The following ERG variants were observed in gnomAD, a reference collection of about 807,000 sequenced individuals.
ERG encodes ETS transcription factor ERG.
Under a neutral mutation model 55.3 loss-of-function variants are expected in ERG, and 9 were observed. The observed-to-expected ratio is 0.16, with a 90% CI of 0.10 to 0.28. ERG has a LOEUF of 0.28. Ranked by LOEUF, ERG falls within the 10% of genes least tolerant of loss-of-function variation. The pLI is 1.00. For synonymous variants in ERG, 223 were observed against 237.3 expected, an observed-to-expected ratio of 0.94 and a Z score of 0.55; for missense variants, 434 against 631.6, an observed-to-expected ratio of 0.69 and a Z score of 3.35.
At chr21:38,556,358 T>C (rs994910168) in intron 2 of ERG, among the ~76,000 whole-genome samples, 1 of 152,186 alleles carries the variant, frequency 6.6e-6, no homozygotes, top group Non-Finnish European at 1.5e-5. Flanking sequence ...TAGATTGTTG[T>C]TCACAGTGAC....
intron 1 of ERG, among the ~76,000 whole-genome samples, chr21:38,461,011 G>T (rs2059037153): frequency 6.6e-6 from 1 of 152,186 alleles, no homozygotes; most frequent in Non-Finnish European, 1.5e-5. Flanking sequence ...TTTTCCTCAA[G>T]GAAGCAGCAT....
At chr21:38,368,981 G>A in the ERG span, among the ~76,000 whole-genome samples, 1 of 152,160 alleles carries the variant, frequency 6.6e-6, no homozygotes, top group African/African-American at 2.4e-5. Context: ...ATTTCTTGGT[G>A]TACATGTACC....
chr21:38,649,127 A>G (rs1316854502), intron 1 of ERG, among the ~76,000 whole-genome samples: 1 of 152,230 alleles, frequency 6.6e-6, no homozygotes, highest in African/African-American at 2.4e-5. Context: ...AAGTTTAACT[A>G]AACACAACAG....
At chr21:38,568,600 C>T (rs1201309074) in intron 2 of ERG, among the ~76,000 whole-genome samples, 1 of 152,188 alleles carries the variant, frequency 6.6e-6, no homozygotes, top group Non-Finnish European at 1.5e-5. Context: ...GGTTTTTAGT[C>T]CTTCCCCACA....
chr21:38,609,626 A>ATGT (rs1216708431), intron 1 of ERG, among the ~76,000 whole-genome samples: 1 of 152,370 alleles, frequency 6.6e-6, no homozygotes, highest in South Asian at 2.1e-4. Flanking sequence ...GCAAAAGGAT[A>ATGT]TGTATAGAAT....
upstream of ERG, among the ~76,000 whole-genome samples, chr21:38,499,878 GAAAGAAAGAAGGAAAAGA>G (rs568818440): frequency 2.2e-4 from 30 of 139,084 alleles, no homozygotes; most frequent in African/African-American, 5.9e-4. Flanking sequence ...GGGAGGGAGG[GAAAGAAAGAAGGAAAAGA>G]AAAGAAAGAG....
chr21:38,464,980 T>C (rs1266106599), intron 1 of ERG, among the ~76,000 whole-genome samples: 1 of 152,140 alleles, frequency 6.6e-6, no homozygotes, highest in Non-Finnish European at 1.5e-5. Context: ...AGCATTTGAG[T>C]TGGTTCTGGG....
chr21:38,408,973 C>G (rs531544850), intron 3 of ERG, among the ~76,000 whole-genome samples: 1 of 152,168 alleles, frequency 6.6e-6, no homozygotes, highest in Non-Finnish European at 1.5e-5. Context: ...TCATTTTTCT[C>G]TTCTGTAAAA....
chr21:38,502,199 C>T (rs771894810), upstream of ERG, among the ~76,000 whole-genome samples: 3 of 152,204 alleles, frequency 2.0e-5, no homozygotes, highest in South Asian at 2.1e-4. Flanking sequence ...TACAATGGAA[C>T]GCCCTTCCTC....
chr21:38,493,308 AT>A (rs1568851584), intron 1 of ERG, among the ~76,000 whole-genome samples: 1 of 152,176 alleles, frequency 6.6e-6, no homozygotes, highest in Non-Finnish European at 1.5e-5. Context: ...TGAAACAAAA[AT>A]TTTGCTTATC....
intron 2 of ERG, among the ~76,000 whole-genome samples, chr21:38,433,902 T>C (rs1601396595): frequency 6.6e-6 from 1 of 152,148 alleles, no homozygotes; most frequent in East Asian, 1.9e-4. Context: ...TCTAGAGCCA[T>C]CCTCCTTCCT....
chr21:38,367,376 C>T, the ERG span, among the ~76,000 whole-genome samples: 1 of 152,176 alleles, frequency 6.6e-6, no homozygotes, highest in African/African-American at 2.4e-5. Context: ...GGCTCAGGGT[C>T]TCTCATGAGG....
At chr21:38,528,272 G>A (rs1342434251) in intron 2 of ERG, among the ~76,000 whole-genome samples, 2 of 152,012 alleles carry the variant, frequency 1.3e-5, no homozygotes, top group Non-Finnish European at 2.9e-5. Context: ...CATTTTGAGG[G>A]ACCAGCTAAA....
Position 38,442,065 on chromosome 21 carries a change from A to G in ERG, c.236+3339T>C, listed in dbSNP as rs1211291703. Among the ~76,000 whole-genome samples the G allele has an allele frequency of 2.6e-5, 4 of 152,342 alleles. No homozygotes were observed. In the East Asian group the frequency reaches 7.7e-4, roughly 29 times the overall value. ...GCAATCTGGGCAATGTTAGAATTCT[A>G]TGAGCCCTGAGAGAGGAACTCTTAA... On this transcript the variant is annotated intron_variant, in intron 2 of 9. Coordinates refer to ENST00000288319, the MANE Select transcript of ERG (RefSeq NM_182918.4).
chr21:38,580,066 C>T (rs1015287574), intron 1 of ERG, among the ~76,000 whole-genome samples: 3 of 152,084 alleles, frequency 2.0e-5, no homozygotes, highest in Admixed American at 6.5e-5. Context: ...TTGATCCACC[C>T]GCCTCGGCCT....
At chr21:38,528,593 A>T (rs796753073) in intron 2 of ERG, among the ~76,000 whole-genome samples, 1 of 87,056 alleles carries the variant, frequency 1.1e-5, no homozygotes, top group Non-Finnish European at 2.6e-5. Context: ...GACTACAGGC[A>T]CCCGCCACTA....
At chr21:38,623,807 A>T (rs950786794) in intron 1 of ERG, among the ~76,000 whole-genome samples, 1 of 152,196 alleles carries the variant, frequency 6.6e-6, no homozygotes, top group African/African-American at 2.4e-5. Flanking sequence ...CCTTTGACCC[A>T]TGGGGAGCAT....
intron 1 of ERG, among the ~76,000 whole-genome samples, chr21:38,608,460 A>G (rs993607862): frequency 6.6e-6 from 1 of 152,230 alleles, no homozygotes; most frequent in African/African-American, 2.4e-5. Flanking sequence ...CAGCCTCAAA[A>G]TACATATGCA....
chr21:38,445,010 A>G (rs2058876665), intron 2 of ERG, among the ~76,000 whole-genome samples: 1 of 152,228 alleles, frequency 6.6e-6, no homozygotes, highest in Admixed American at 6.5e-5. Flanking sequence ...ACATCTTCAA[A>G]GAGAGTTCTT....
Sources: gnomAD v4.1 joint callset for allele counts (sites outside exome capture counted in the v4.1 genomes callset) on GRCh38, gnomAD v4.1.1 for gene constraint, MANE v1.5 for transcripts, NCBI Gene and HGNC (gene_info 2026-07-23, HGNC 2026-07-21) for gene names.